CADPS2: variants seen among roughly 807,000 people sequenced by gnomAD.
CADPS2 encodes the protein calcium-dependent secretion activator 2.
Under a neutral mutation model 172.5 loss-of-function variants are expected in CADPS2, and 93 were observed. The ratio of observed to expected loss-of-function variants is 0.54; its 90% CI spans 0.46 to 0.64. The LOEUF (loss-of-function observed/expected upper bound fraction) is 0.64, where lower values mean the gene tolerates loss of function less well. CADPS2 is among the 30% of genes least tolerant of loss of function. The pLI is 0.00. For synonymous variants in CADPS2, 546 were observed against 555.2 expected (o/e 0.98, Z 0.23); for missense variants, 1,420 against 1,565.9 (o/e 0.91, Z 1.57).
At chr7:122,806,707 T>A (rs980211136) in intron 1 of CADPS2, among the ~76,000 whole-genome samples, 2 of 152,184 alleles carry the variant, frequency 1.3e-5, no homozygotes, top group Admixed American at 1.3e-4. Context: ...GCTAAGAATT[T>A]CCCCCAGACC....
chr7:122,325,560 T>A lies in CADPS2; in HGVS notation c.3634A>T (p.Lys1212Ter), dbSNP rs1255471795. 6.2e-7 allele frequency: 1 copy of A among 1,610,480 alleles called. No homozygotes were observed. Among genetic ancestry groups the A allele is most frequent in the Non-Finnish European group, 8.5e-7 (1 of 1,177,970 alleles). ...LFDQWYSSSMKVICVWLTDRL... is the reference protein window; with the variant it reads ...LFDQWYSSSM ...TCAGTCAACCACACGCAAATGACTTTCATGGAACTGCTGTACCATTGCTAG... is the reference window on the plus strand; with the variant it reads ...TCAGTCAACCACACGCAAATGACTTACATGGAACTGCTGTACCATTGCTAG... Residue 1212 changes from lysine to a stop codon, truncating the protein, a stop_gained, in exon 29 of 30, where the codon AAA becomes TAA. Transcript: ENST00000449022. LOFTEE classifies it high-confidence loss of function.
chr7:122,864,357 A>G (rs1180497454), intron 1 of CADPS2, among the ~76,000 whole-genome samples: 2 of 151,972 alleles, frequency 1.3e-5, no homozygotes, highest in Non-Finnish European at 2.9e-5. Context: ...GCATGTGCCC[A>G]TGGTTCCAGC....
intron 1 of CADPS2, among the ~76,000 whole-genome samples, chr7:122,866,572 G>A (rs1008732599): frequency 2.6e-5 from 4 of 152,052 alleles, no homozygotes; most frequent in African/African-American, 9.7e-5. Context: ...GTAGTGGCAC[G>A]CACCTGTAGT....
chr7:122,583,669 G>A (rs924679717), intron 6 of CADPS2, among the ~76,000 whole-genome samples: 1 of 150,664 alleles, frequency 6.6e-6, no homozygotes, highest in South Asian at 2.1e-4. Context: ...AGGAGATATT[G>A]TACGTGTGTA....
chr7:122,397,018 T>C (rs140208467), intron 20 of CADPS2, among the ~76,000 whole-genome samples: 3 of 152,346 alleles, frequency 2.0e-5, no homozygotes, highest in Non-Finnish European at 4.4e-5. Flanking sequence ...CGCCTCATAC[T>C]TTGTATAAAA....
At position 122,705,589 on chromosome 7, in the gene CADPS2, A is replaced by AT. The variant is rs2086914699; in HGVS notation, c.453+31365_453+31366insA. Among the ~76,000 whole-genome samples, 6 of 111,158 alleles carry AT rather than the reference A, an allele frequency of 5.4e-5. 1 individual carries two copies. Among genetic ancestry groups the AT allele is most frequent in the African/African-American group, 1.8e-4 (5 of 27,502 alleles). The allele number at this position is 111,158 out of a possible 152,430, so 72.9% of individuals were successfully genotyped here. The stretch of plus-strand genomic sequence containing the variant: ...ATATTATCTATATTATATATTATAT[A>AT]ATATATTTTATATATTATATAACAT... On this transcript the variant is annotated intron_variant, in intron 2 of 29. Coordinates refer to ENST00000449022, the MANE Select transcript of CADPS2 (RefSeq NM_017954.11).
At chr7:122,562,519 C>T (rs934769449) in intron 7 of CADPS2, among the ~76,000 whole-genome samples, 1 of 151,850 alleles carries the variant, frequency 6.6e-6, no homozygotes, top group Admixed American at 6.6e-5. Context: ...TTTTAGCTCA[C>T]AGAGATCCAT....
At chr7:122,585,331 C>T (rs1219477751) in intron 6 of CADPS2, among the ~76,000 whole-genome samples, 1 of 151,478 alleles carries the variant, frequency 6.6e-6, no homozygotes, top group African/African-American at 2.4e-5. Flanking sequence ...ACGATACAGG[C>T]ATAAATTGGC....
chr7:122,847,147 C>T (rs192544446), intron 1 of CADPS2, among the ~76,000 whole-genome samples: 56 of 152,070 alleles, frequency 3.7e-4, no homozygotes, highest in African/African-American at 8.9e-4. Flanking sequence ...AGTGCAGTGG[C>T]GCAATCTCAG....
At chr7:122,474,169 G>A (rs567118688) in intron 13 of CADPS2, among the ~76,000 whole-genome samples, 17 of 152,112 alleles carry the variant, frequency 1.1e-4, no homozygotes, top group Non-Finnish European at 1.9e-4. Flanking sequence ...GAGTGGCACA[G>A]CAGTGGTCTT....
At chr7:122,654,413 C>G (rs969342295) in intron 3 of CADPS2, among the ~76,000 whole-genome samples, 6 of 152,206 alleles carry the variant, frequency 3.9e-5, no homozygotes, top group African/African-American at 1.4e-4. Flanking sequence ...CAGGCTGACT[C>G]TCTTGTTAGT....
At chr7:122,656,789 C>T (rs1332902355) in intron 3 of CADPS2, among the ~76,000 whole-genome samples, 1 of 152,154 alleles carries the variant, frequency 6.6e-6, no homozygotes, top group African/African-American at 2.4e-5. Context: ...TTCTCTTTTG[C>T]TGTGCAGAAG....
At chr7:122,367,699 A>G (rs2041135806) in intron 25 of CADPS2, among the ~76,000 whole-genome samples, 1 of 138,148 alleles carries the variant, frequency 7.2e-6, no homozygotes, top group Non-Finnish European at 1.5e-5. Context: ...ATGTGCAACC[A>G]TGCCCAGCTA....
chr7:122,500,228 T>C (rs557012639), intron 9 of CADPS2, among the ~76,000 whole-genome samples: 20 of 152,312 alleles, frequency 1.3e-4, no homozygotes, highest in African/African-American at 1.7e-4. Flanking sequence ...CATTCTAACC[T>C]TGTTTGTCAT....
chr7:122,720,564 C>CTGTATATACATACACATGTATA (rs148534998), intron 2 of CADPS2, among the ~76,000 whole-genome samples: 62 of 150,976 alleles, frequency 4.1e-4, no homozygotes, highest in Admixed American at 1.2e-3. Context: ...ATGCATGTGT[C>CTGTATATACATACACATGTATA]TGTATATACA....
chr7:122,653,791 C>T (rs10244187), intron 3 of CADPS2, among the ~76,000 whole-genome samples: 1,586 of 152,212 alleles, frequency 0.01, 25 homozygotes, highest in African/African-American at 0.035. Flanking sequence ...ACTATTGGAA[C>T]TGTTTTGAGG....
intron 3 of CADPS2, among the ~76,000 whole-genome samples, chr7:122,661,623 C>T (rs1286933862): frequency 2.0e-5 from 3 of 152,154 alleles, no homozygotes; most frequent in Non-Finnish European, 4.4e-5. Context: ...AAAGTCATCA[C>T]TCCCATCCTC....
At chr7:122,883,065 G>A (rs1282535287) in intron 1 of CADPS2, among the ~76,000 whole-genome samples, 1 of 152,132 alleles carries the variant, frequency 6.6e-6, no homozygotes, top group Non-Finnish European at 1.5e-5. Flanking sequence ...AATTGAAATA[G>A]TCTAGACAAA....
chr7:122,877,964 C>T (rs995203925), intron 1 of CADPS2, among the ~76,000 whole-genome samples: 3 of 152,120 alleles, frequency 2.0e-5, no homozygotes, highest in Non-Finnish European at 2.9e-5. Context: ...GAAGCCAGTG[C>T]TTTCCTAACA....
Sources: allele counts gnomAD v4.1 joint callset (sites outside exome capture counted in the v4.1 genomes callset), GRCh38; gene constraint gnomAD v4.1.1; transcripts MANE v1.5; gene names NCBI Gene and HGNC (gene_info 2026-07-23, HGNC 2026-07-21).